Variants in ATG10 observed in about 807,000 individuals in gnomAD.
The protein encoded by ATG10 is ubiquitin-like-conjugating enzyme ATG10.
A neutral mutation model predicts 32.1 loss-of-function variants in ATG10; 30 were observed. The ratio of observed to expected loss-of-function variants is 0.94; its 90% CI spans 0.70 to 1.27. The LOEUF (loss-of-function observed/expected upper bound fraction) is 1.27. Among genes scored for constraint, ATG10 ranks in the 50% most tolerant of loss-of-function variants. The pLI is 0.00. For missense variants in ATG10, 233 were observed against 262.3 expected (o/e 0.89, Z 0.77); for synonymous variants, 87 against 91.5 (o/e 0.95, Z 0.28).
chr5:82,042,451 C>T (rs940987026), intron 2 of ATG10, among the ~76,000 whole-genome samples: 1 of 152,034 alleles, frequency 6.6e-6, no homozygotes, highest in African/African-American at 2.4e-5. Flanking sequence ...CCACCTTGGC[C>T]CCTCTCAAAT....
intron 1 of ATG10, among the ~76,000 whole-genome samples, chr5:81,973,710 CCTTTCTCATTG>C (rs1760794062): frequency 6.6e-6 from 1 of 152,160 alleles, no homozygotes; most frequent in Non-Finnish European, 1.5e-5. Context: ...CAAGTAGAAT[CCTTTCTCATTG>C]CTTCAGAAAG....
At chr5:81,979,760 T>A (rs1051731504) in intron 1 of ATG10, among the ~76,000 whole-genome samples, 1 of 151,694 alleles carries the variant, frequency 6.6e-6, no homozygotes, top group African/African-American at 2.4e-5. Flanking sequence ...CTGTAGGCTA[T>A]GTTTAGGCAT....
intron 3 of ATG10, among the ~76,000 whole-genome samples, chr5:82,140,653 C>T (rs2149862795): frequency 1.9e-5 from 1 of 53,904 alleles, no homozygotes; most frequent in South Asian, 9.9e-4. Context: ...GTGAGGGGCG[C>T]CTCTGCCCGG....
chr5:82,151,626 CAAAAAAA>C (rs530575677), intron 3 of ATG10, among the ~76,000 whole-genome samples: 6 of 98,476 alleles, frequency 6.1e-5, no homozygotes, highest in Admixed American at 2.2e-4. Context: ...ATCCCTGGAA[CAAAAAAA>C]AAAAAAAAAT....
intron 2 of ATG10, among the ~76,000 whole-genome samples, chr5:82,002,966 T>A: frequency 6.6e-6 from 1 of 152,168 alleles, no homozygotes; most frequent in East Asian, 1.9e-4. Flanking sequence ...AAAAAAATTA[T>A]TTCACGTGAC....
At chr5:82,025,212 A>G (rs997456187) in intron 2 of ATG10, among the ~76,000 whole-genome samples, 38 of 152,358 alleles carry the variant, frequency 2.5e-4, no homozygotes, top group African/African-American at 7.7e-4. Context: ...ACAAGCAATC[A>G]TAATATAAAG....
At chr5:82,154,141 GAAT>G (rs1229928704) in intron 3 of ATG10, among the ~76,000 whole-genome samples, 1 of 152,008 alleles carries the variant, frequency 6.6e-6, no homozygotes, top group Non-Finnish European at 1.5e-5. Flanking sequence ...AATTTAAAAA[GAAT>G]AATATTCTAT....
At chr5:82,100,000 GTTTTTTTTTT>G (rs869311526) in intron 3 of ATG10, among the ~76,000 whole-genome samples, 564 of 58,944 alleles carry the variant, frequency 9.6e-3, no homozygotes, top group African/African-American at 0.032. Context: ...CTTTTTCTGT[GTTTTTTTTTT>G]TTTTTTTTTT....
chr5:82,122,820 C>T (rs77044799), intron 3 of ATG10, among the ~76,000 whole-genome samples: 6,494 of 152,136 alleles, frequency 0.043, 146 homozygotes, highest in Middle Eastern at 0.058. Context: ...TACCATCTTA[C>T]ACCATACAGA....
At chr5:82,085,433 A>G (rs554750626) in intron 3 of ATG10, among the ~76,000 whole-genome samples, 6 of 145,932 alleles carry the variant, frequency 4.1e-5, no homozygotes, top group African/African-American at 7.5e-5. Flanking sequence ...TGAGACAGAA[A>G]GTCAACAAGG....
intron 5 of ATG10, among the ~76,000 whole-genome samples, chr5:82,243,921 T>G (rs1447035384): frequency 1.3e-5 from 2 of 151,848 alleles, no homozygotes; most frequent in Non-Finnish European, 2.9e-5. Context: ...CAAAAATATA[T>G]GGAAGCAAAT....
intron 4 of ATG10, 54 bp downstream of exon 4, chr5:82,164,591 A>G (rs1743505464): frequency 6.7e-7 from 1 of 1,489,772 alleles, no homozygotes; most frequent in Non-Finnish European, 9.1e-7. Flanking sequence ...ATATAAAGCA[A>G]AAAGCATATT....
At chr5:82,015,035 T>A (rs1762241308) in intron 2 of ATG10, among the ~76,000 whole-genome samples, 1 of 152,202 alleles carries the variant, frequency 6.6e-6, no homozygotes. Flanking sequence ...GGTGACAAAA[T>A]CTCTCAGCAT....
At chr5:82,009,851 C>A in intron 2 of ATG10, 1 of 1,608,398 alleles carries the variant, frequency 6.2e-7, no homozygotes, top group Non-Finnish European at 8.5e-7. Flanking sequence ...CTTCAAATTT[C>A]TCCCCATAGA....
intron 3 of ATG10, among the ~76,000 whole-genome samples, chr5:82,138,907 A>T (rs1766902612): frequency 1.8e-5 from 2 of 112,940 alleles, no homozygotes; most frequent in Admixed American, 1.2e-4. Flanking sequence ...TGCGGAGCCG[A>T]AGCTGGACTG....
intron 2 of ATG10, among the ~76,000 whole-genome samples, chr5:82,041,598 A>T (rs1184499938): frequency 6.6e-6 from 1 of 152,228 alleles, no homozygotes; most frequent in Non-Finnish European, 1.5e-5. Flanking sequence ...AGATCTAAAC[A>T]TATAGTATGT....
chr5:82,204,083 A>AGAG (rs1214479008), intron 5 of ATG10, among the ~76,000 whole-genome samples: 1 of 152,226 alleles, frequency 6.6e-6, no homozygotes, highest in African/African-American at 2.4e-5. Flanking sequence ...AAAACATGGA[A>AGAG]GAGGATAGGG....
chr5:82,106,010 A>G (rs986122423), intron 3 of ATG10, among the ~76,000 whole-genome samples: 2 of 152,134 alleles, frequency 1.3e-5, no homozygotes, highest in East Asian at 1.9e-4. Context: ...AGTAACTATA[A>G]TCAAATCAAA....
intron 2 of ATG10, among the ~76,000 whole-genome samples, chr5:82,010,273 T>C (rs1478809976): frequency 1.3e-5 from 2 of 152,204 alleles, no homozygotes; most frequent in Non-Finnish European, 2.9e-5. Context: ...ATTGTGATTA[T>C]TTTGGCTAAT....
Sources: gnomAD v4.1 joint callset for allele counts (sites outside exome capture counted in the v4.1 genomes callset) on GRCh38, gnomAD v4.1.1 for gene constraint, MANE v1.5 for transcripts, NCBI Gene and HGNC (gene_info 2026-07-23, HGNC 2026-07-21) for gene names.